PPHLN1: variants seen among roughly 807,000 people sequenced by gnomAD.
PPHLN1 encodes periphilin 1.
PPHLN1 carries 29 observed loss-of-function variants against 51.3 expected under a neutral mutation model. The ratio of observed to expected loss-of-function variants is 0.57; its 90% confidence interval spans 0.42 to 0.77. The LOEUF is 0.77. Among genes scored for constraint, PPHLN1 ranks in the 30% least tolerant of loss-of-function variants. The pLI, the probability that PPHLN1 is intolerant of heterozygous loss-of-function variation, is 0.00. For synonymous variants in PPHLN1, 147 were observed against 147.8 expected, an observed-to-expected ratio of 0.99 and a Z score of 0.04; for missense variants, 436 against 438.4, an observed-to-expected ratio of 0.99 and a Z score of 0.05.
In PPHLN1 at chr12:42,341,955, CT is replaced by C. The variant is rs546172529; in HGVS notation, c.72+5985del. Among the ~76,000 whole-genome samples the C allele has an allele frequency of 3.6e-3, 548 of 152,262 alleles. 2 individuals are homozygous for C. The highest frequency in any genetic ancestry group is 0.013 in the African/African-American group (528 of 41,536). ...TTCTTTATGTATAAATAGTAAGTCA[CT>C]TTTATAAGGGGCTTTCACAGAAATT... On this transcript the variant is annotated intron_variant, in intron 2 of 9. Transcript: ENST00000358314.
intron 1 of PPHLN1, among the ~76,000 whole-genome samples, chr12:42,335,588 G>A (rs568876468): frequency 1.8e-4 from 28 of 151,722 alleles, no homozygotes; most frequent in African/African-American, 6.5e-4. Flanking sequence ...AAGTATTTGT[G>A]GTCTGAAGTG....
intron 9 of PPHLN1, among the ~76,000 whole-genome samples, chr12:42,425,040 A>AT (rs1317078877): frequency 7.5e-6 from 1 of 133,334 alleles, no homozygotes; most frequent in Non-Finnish European, 1.6e-5. Context: ...ATTTTATTTT[A>AT]TGTATGTATG....
At chr12:42,357,270 G>A (rs1049965992) in intron 4 of PPHLN1, among the ~76,000 whole-genome samples, 4 of 152,042 alleles carry the variant, frequency 2.6e-5, no homozygotes, top group South Asian at 2.1e-4. Flanking sequence ...TATTTTGCAC[G>A]GAAGTTGACA....
At chr12:42,428,406 A>T (rs543404600) in intron 9 of PPHLN1, among the ~76,000 whole-genome samples, 1 of 152,384 alleles carries the variant, frequency 6.6e-6, no homozygotes, top group African/African-American at 2.4e-5. Flanking sequence ...TGGTATGTAT[A>T]TATACAATAG....
At chr12:42,372,661 TC>T (rs371590989) in intron 4 of PPHLN1, among the ~76,000 whole-genome samples, 112 of 152,296 alleles carry the variant, frequency 7.4e-4, no homozygotes, top group African/African-American at 2.6e-3. Context: ...GTTCTTTTTT[TC>T]CTTTGCTTTC....
intron 9 of PPHLN1, among the ~76,000 whole-genome samples, chr12:42,418,649 T>G (rs747334385): frequency 1.6e-4 from 25 of 152,198 alleles, no homozygotes; most frequent in Non-Finnish European, 2.6e-4. Flanking sequence ...GCATTCTCTC[T>G]CTGGCCTCTG....
downstream of PPHLN1, chr12:42,442,663 G>A: frequency 6.2e-7 from 1 of 1,614,166 alleles, no homozygotes; most frequent in Non-Finnish European, 8.5e-7. Context: ...AGACTTGGCA[G>A]CAGGTACCCC....
At position 42,435,337 on chromosome 12, in the gene PPHLN1, G is replaced by A. The variant is rs34619128; in HGVS notation, c.910-5978G>A. Among the ~76,000 whole-genome samples, 833 of 152,272 alleles carry A rather than the reference G, an allele frequency of 5.5e-3. 3 individuals carry two copies. The highest frequency in any genetic ancestry group is 9.3e-3 in the Non-Finnish European group (635 of 68,026). On this transcript the variant is annotated intron_variant, in intron 9 of 9. Transcript: ENST00000358314. ...AATTTCACTCACATATTGAATGTAG[G>A]CACTATAGCTCTGATCCATGTGTTC... is the stretch of plus-strand genomic sequence containing the variant.
intron 9 of PPHLN1, among the ~76,000 whole-genome samples, chr12:42,406,583 A>G (rs2079333955): frequency 1.3e-5 from 2 of 152,058 alleles, no homozygotes; most frequent in Non-Finnish European, 2.9e-5. Flanking sequence ...CTTTTTTTGT[A>G]AAACGGCTAT....
chr12:42,394,856 A>G (rs920802025), intron 8 of PPHLN1, among the ~76,000 whole-genome samples: 30 of 152,134 alleles, frequency 2.0e-4, no homozygotes, highest in African/African-American at 7.0e-4. Flanking sequence ...TAATGTTTCT[A>G]CATTAATCAT....
chr12:42,422,150 A>G (rs2081063530), intron 9 of PPHLN1, among the ~76,000 whole-genome samples: 1 of 152,210 alleles, frequency 6.6e-6, no homozygotes, highest in Admixed American at 6.5e-5. Flanking sequence ...ATAATTTAGC[A>G]GTTAATTTTT....
chr12:42,381,694 A>G (rs2076769527), intron 5 of PPHLN1, among the ~76,000 whole-genome samples: 1 of 152,138 alleles, frequency 6.6e-6, no homozygotes, highest in South Asian at 2.1e-4. Flanking sequence ...AAATCAGTAG[A>G]TCTCTGAGAA....
chr12:42,408,552 T>C (rs981885759), intron 9 of PPHLN1, among the ~76,000 whole-genome samples: 1 of 152,188 alleles, frequency 6.6e-6, no homozygotes, highest in Non-Finnish European at 1.5e-5. Flanking sequence ...GTAAGTAGCA[T>C]AGGAACTTTG....
chr12:42,370,123 T>A (rs997246422), intron 4 of PPHLN1, among the ~76,000 whole-genome samples: 6 of 152,244 alleles, frequency 3.9e-5, no homozygotes, highest in Non-Finnish European at 8.8e-5. Flanking sequence ...TACATGCTAG[T>A]GAGCTTCTTT....
At chr12:42,391,761 A>G (rs1377441073) in intron 7 of PPHLN1, among the ~76,000 whole-genome samples, 1 of 152,164 alleles carries the variant, frequency 6.6e-6, no homozygotes, top group Non-Finnish European at 1.5e-5. Flanking sequence ...AACCTTATAT[A>G]TGGACACGGC....
chr12:42,355,275 TG>T, intron 4 of PPHLN1, 53 bp downstream of exon 4: 1 of 1,464,132 alleles, frequency 6.8e-7, no homozygotes, highest in African/African-American at 1.4e-5. Context: ...CTCACTGTGA[TG>T]TCTGCTTTGG....
chr12:42,430,495 G>GTTTTGTTTT (rs2081948394), intron 9 of PPHLN1, among the ~76,000 whole-genome samples: 1 of 152,118 alleles, frequency 6.6e-6, no homozygotes, highest in Non-Finnish European at 1.5e-5. Flanking sequence ...TTCTTTTTTT[G>GTTTTGTTTT]GTTTTGTTTT....
downstream of PPHLN1, chr12:42,446,045 A>G: frequency 3.2e-6 from 5 of 1,550,224 alleles, no homozygotes; most frequent in Non-Finnish European, 4.4e-6. Flanking sequence ...AGTACCAGAA[A>G]TGAAGGAAAC....
At chr12:42,433,344 A>G (rs2082203909) in intron 9 of PPHLN1, 1 of 535,830 alleles carries the variant, frequency 1.9e-6, no homozygotes, top group Admixed American at 2.5e-5. Flanking sequence ...TTCAAAAGCA[A>G]CTGTAAGGGA....
Sources: allele counts gnomAD v4.1 joint callset (sites outside exome capture counted in the v4.1 genomes callset), GRCh38; gene constraint gnomAD v4.1.1; transcripts MANE v1.5; gene names NCBI Gene and HGNC (gene_info 2026-07-23, HGNC 2026-07-21).